SAG: variants seen among roughly 807,000 people sequenced by gnomAD.
SAG encodes the protein S-antigen visual arrestin, also known as S-arrestin.
In SAG, 45 loss-of-function variants were observed where a neutral mutation model predicts 55.0. The ratio of observed to expected loss-of-function variants is 0.82; its 90% CI spans 0.64 to 1.05. The LOEUF is 1.05. Among genes scored for constraint, SAG ranks in the 50% least tolerant of loss-of-function variants. The pLI is 0.00. For synonymous variants in SAG, 189 were observed against 197.4 expected (o/e 0.96, Z 0.36); for missense variants, 455 against 512.1 (o/e 0.89, Z 1.08).
rs1490393063 is a variant in SAG, at chr2:233,331,509, G to A, written c.734-131G>A. ...AGCCTTGAAGCTGAGGGCTGAGAAA[G>A]CCTAGCCTTGGAAGTGGAGGGAAAC... On this transcript the variant is annotated intron_variant, in intron 9 of 15. Transcript: ENST00000409110. The A allele has an allele frequency of 1.4e-5, 10 of 719,180 alleles. No homozygotes were observed. In the East Asian group the frequency reaches 2.4e-4, roughly 17 times the overall value. The allele number at this position is 719,180 out of a possible 1,614,324, so 44.5% of individuals were successfully genotyped here.
chr2:233,345,776 A>C (rs1701235500), intron 14 of SAG: 1 of 152,514 alleles, frequency 6.6e-6, no homozygotes, highest in South Asian at 2.1e-4. Context: ...CTGATCAGGG[A>C]AAGCATCCTA....
intron 10 of SAG, chr2:233,332,784 C>A (rs1700808992): frequency 6.6e-6 from 1 of 152,108 alleles, no homozygotes. Flanking sequence ...GCCTCAGCCT[C>A]CTGAGTAGCT....
At position 233,313,952 on chromosome 2, in the gene SAG, G is replaced by A. The variant is rs1034049061; in HGVS notation, c.76-2123G>A. Among the ~76,000 whole-genome samples the A allele has an allele frequency of 2.6e-5, 4 of 151,824 alleles. No homozygotes were observed. In the East Asian group the frequency reaches 5.9e-4, roughly 22 times the overall value. On this transcript the variant is annotated intron_variant, in intron 2 of 15. Transcript: ENST00000409110. Reference sequence around the variant, plus strand: ...CAAGAAATAGCCAGGTACAGTGGTGGCTCATGCCTGTAATCCCAGCACTCT... The same window carrying A: ...CAAGAAATAGCCAGGTACAGTGGTGACTCATGCCTGTAATCCCAGCACTCT...
In SAG at chr2:233,335,114, CT is replaced by C; in HGVS notation, c.944+16del. ...TCCAGCACCATGTGAGTCCTCGAGG[CT>C]CAGGGAATAAGCCCTGGCAGGGCGG... is the stretch of plus-strand genomic sequence containing the variant. On this transcript the variant is annotated intron_variant, in intron 11 of 15. Transcript: ENST00000409110. 1 of 1,604,876 alleles carries C rather than the reference CT, an allele frequency of 6.2e-7. No homozygotes were observed. Among genetic ancestry groups the C allele is most frequent in the Non-Finnish European group, 8.5e-7 (1 of 1,172,896 alleles).
intron 2 of SAG, among the ~76,000 whole-genome samples, chr2:233,313,715 C>CTTT (rs58355307): frequency 1.3e-5 from 1 of 78,942 alleles, no homozygotes; most frequent in East Asian, 3.9e-4. Flanking sequence ...CCGGGCTAAT[C>CTTT]TTTTTTTTTT....
chr2:233,341,137 G>GTTTTA (rs531753059), intron 13 of SAG, among the ~76,000 whole-genome samples: 50 of 152,100 alleles, frequency 3.3e-4, no homozygotes, highest in African/African-American at 7.2e-4. Flanking sequence ...TAACCGTTTT[G>GTTTTA]TTTTATTTTA....
chr2:233,329,259 T>TG (rs1213262116), intron 8 of SAG: 1 of 487,018 alleles, frequency 2.1e-6, no homozygotes, highest in Non-Finnish European at 3.7e-6. Context: ...TCCTGACCCC[T>TG]GGCCTCCTCC....
At chr2:233,334,697 C>T (rs1473632496) in intron 10 of SAG, 5 of 390,778 alleles carry the variant, frequency 1.3e-5, no homozygotes, top group Non-Finnish European at 2.4e-5. Flanking sequence ...GTCTCATTAA[C>T]TCCATAGAAC....
At chr2:233,346,453 C>T (rs1057280142) in intron 15 of SAG, 41 bp downstream of exon 15, 14 of 1,602,960 alleles carry the variant, frequency 8.7e-6, no homozygotes, top group African/African-American at 1.3e-5. Flanking sequence ...TTGTCCTATG[C>T]TCTGGGACCT....
chr2:233,321,538 A>G (rs1214041070), intron 5 of SAG, among the ~76,000 whole-genome samples: 1 of 152,220 alleles, frequency 6.6e-6, no homozygotes, highest in African/African-American at 2.4e-5. Flanking sequence ...TTTCACTTAC[A>G]GGAGATACCT....
chr2:233,312,921 G>A (rs1700116168), intron 2 of SAG, among the ~76,000 whole-genome samples: 1 of 152,190 alleles, frequency 6.6e-6, no homozygotes, highest in South Asian at 2.1e-4. Context: ...TTCACTTGCT[G>A]GGCTCCCAAC....
In SAG at chr2:233,329,389, C is replaced by T. The variant is rs934370102; in HGVS notation, c.649-104C>T. Reference sequence around the variant, plus strand: ...ACTTCATCTTCCTTAAATTCTGCCGCTTTTATTCCAGTGAAAGGGATTGAG... The same window carrying T: ...ACTTCATCTTCCTTAAATTCTGCCGTTTTTATTCCAGTGAAAGGGATTGAG... On this transcript the variant is annotated intron_variant, in intron 8 of 15. Transcript: ENST00000409110. 8 of 739,400 alleles carry T rather than the reference C, an allele frequency of 1.1e-5. No individual in the cohort carries two copies. The African/African-American group carries it at 1.2e-4, about 11-fold the overall frequency. The allele number at this position is 739,400 out of a possible 1,614,324, so 45.8% of individuals were successfully genotyped here. A position where few individuals can be genotyped will look rare whatever the true frequency, so the allele number is the denominator to read the frequency against.
intron 2 of SAG, among the ~76,000 whole-genome samples, chr2:233,312,933 A>G (rs903089054): frequency 2.0e-5 from 3 of 152,140 alleles, no homozygotes; most frequent in Admixed American, 1.3e-4. Flanking sequence ...GCTCCCAACC[A>G]AAGAGCAGGG....
Position 233,319,924 on chromosome 2 carries a change from C to T in SAG, c.182-706C>T. 1 of 985,602 alleles carries T rather than the reference C, an allele frequency of 1.0e-6. No homozygotes were observed. Among genetic ancestry groups the T allele is most frequent in the Non-Finnish European group, 1.2e-6 (1 of 829,948 alleles). 61.1% of individuals were successfully genotyped at this position (985,602 alleles called of 1,614,324 possible). On this transcript the variant is annotated intron_variant, in intron 4 of 15. Transcript: ENST00000409110. The surrounding 1 kb of genome is among the most constrained non-coding windows in gnomAD (Gnocchi z 4.4). Reference sequence around the variant, plus strand: ...GCTACCACGCACTTGGCGGGGCCGCCTCTCGTGCTTTATATTTGAGAAATA... The same window carrying T: ...GCTACCACGCACTTGGCGGGGCCGCTTCTCGTGCTTTATATTTGAGAAATA...
intron 11 of SAG, among the ~76,000 whole-genome samples, chr2:233,336,236 C>T (rs977613566): frequency 5.3e-5 from 8 of 152,130 alleles, no homozygotes; most frequent in African/African-American, 7.2e-5. Flanking sequence ...ACGACTCGGC[C>T]GGCCATGATG....
intron 3 of SAG, among the ~76,000 whole-genome samples, chr2:233,316,860 A>C (rs909370470): frequency 4.6e-5 from 7 of 152,178 alleles, no homozygotes; most frequent in African/African-American, 1.7e-4. Context: ...CAAAATGGCT[A>C]AAATATTTTA....
At position 233,340,512 on chromosome 2, in the gene SAG, C is replaced by T. The variant is rs923870449; in HGVS notation, c.1046+34C>T. 4 of 1,581,994 alleles carry T rather than the reference C, an allele frequency of 2.5e-6. No homozygotes were observed. Among genetic ancestry groups the T allele is most frequent in the Non-Finnish European group, 3.5e-6 (4 of 1,155,500 alleles). On this transcript the variant is annotated intron_variant, in intron 13 of 15. Transcript: ENST00000409110. The surrounding 1 kb of genome is among the most constrained non-coding windows in gnomAD (Gnocchi z 4.2). ...GTTCACCTTCCTTGTTTGATTGTTT[C>T]TCAAGATATCAAAGGCAGCAAACTT...
chr2:233,325,203 CAAAA>C (rs3085261), intron 6 of SAG, among the ~76,000 whole-genome samples: 2 of 128,452 alleles, frequency 1.6e-5, no homozygotes, highest in Non-Finnish European at 3.3e-5. Flanking sequence ...GGCTCCATCT[CAAAA>C]AAAAAAAAAA....
At chr2:233,344,392 A>G (rs1014401869) in intron 14 of SAG, 21 of 152,206 alleles carry the variant, frequency 1.4e-4, no homozygotes, top group African/African-American at 5.1e-4. Flanking sequence ...GCTGGTCTCA[A>G]ACTCCTGGCC....
Sources: allele counts gnomAD v4.1 joint callset (sites outside exome capture counted in the v4.1 genomes callset), GRCh38; gene constraint gnomAD v4.1.1; non-coding constraint Gnocchi (gnomAD v3.1); transcripts MANE v1.5; gene names NCBI Gene and HGNC (gene_info 2026-07-23, HGNC 2026-07-21).